Variants in MMP11 observed in about 807,000 individuals in gnomAD.
The protein encoded by MMP11 is matrix metallopeptidase 11, also known as stromelysin-3.
In MMP11, 26 loss-of-function variants were observed where a neutral mutation model predicts 49.5. The ratio of observed to expected loss-of-function variants is 0.52; its 90% CI spans 0.38 to 0.73. The LOEUF is 0.73. MMP11 is among the 30% of genes least tolerant of loss of function. MMP11 has a pLI of 0.00. For missense variants in MMP11, 624 were observed against 671.2 expected (o/e 0.93, Z 0.78); for synonymous variants, 265 against 282.3 (o/e 0.94, Z 0.62).
At chr22:23,775,725 C>G (rs1175332965) in intron 1 of MMP11, among the ~76,000 whole-genome samples, 1 of 152,232 alleles carries the variant, frequency 6.6e-6, no homozygotes, top group Non-Finnish European at 1.5e-5. Flanking sequence ...TCCCTTCTAG[C>G]TGCAACTTCT....
chr22:23,779,017 C>A (rs1366691680), intron 1 of MMP11, among the ~76,000 whole-genome samples, 170 bp from the exon 2 acceptor site: 1 of 152,176 alleles, frequency 6.6e-6, no homozygotes, highest in African/African-American at 2.4e-5. Flanking sequence ...ACCAGAGAGC[C>A]AGCCAGATGC....
At chr22:23,778,950 C>T (rs1206390582) in intron 1 of MMP11, among the ~76,000 whole-genome samples, 1 of 152,134 alleles carries the variant, frequency 6.6e-6, no homozygotes, top group African/African-American at 2.4e-5. Flanking sequence ...GACAGGCAGC[C>T]CAGGGCCCTC....
intron 2 of MMP11, 39 bp downstream of exon 2, chr22:23,779,455 G>A (rs777139544): frequency 2.6e-6 from 4 of 1,541,052 alleles, no homozygotes; most frequent in African/African-American, 1.4e-5. Context: ...TGCCACCTGT[G>A]TGTCCGTGGG....
At position 23,779,340 on chromosome 22, in the gene MMP11, G is replaced by A. The variant is rs1172531316; in HGVS notation, c.262G>A (p.Gly88Arg). The A allele has an allele frequency of 6.2e-7, 1 of 1,613,102 alleles. No homozygotes were observed. The highest frequency in any genetic ancestry group is 8.5e-7 in the Non-Finnish European group (1 of 1,179,954). Reference protein sequence around the residue: ...PRCGVPDPSDGLSARNRQKRF... With the variant: ...PRCGVPDPSDRLSARNRQKRF... ...CTGTGGCGTGCCCGACCCATCTGATGGGCTGAGTGCCCGCAACCGACAGAA... is the reference window on the plus strand; with the variant it reads ...CTGTGGCGTGCCCGACCCATCTGATAGGCTGAGTGCCCGCAACCGACAGAA... Residue 88 changes from glycine to arginine, a missense_variant, in exon 2 of 8, where the codon GGG becomes AGG. Physicochemically the swap from Gly to Arg is moderately radical, Grantham distance 125. Coordinates refer to ENST00000215743, the MANE Select transcript of MMP11 (RefSeq NM_005940.5).
In MMP11 at chr22:23,781,312, C is replaced by T. The variant is rs751397617; in HGVS notation, c.978C>T (p.Pro326=). The change falls in exon 6 of 8, where the codon CCC becomes CCT. Residue 326 remains proline, a synonymous_variant. Coordinates refer to ENST00000215743, the MANE Select transcript of MMP11 (RefSeq NM_005940.5). ...GCCTCCGTGGGGGCCAGCTGCAGCC[C>T]GGCTACCCAGCATTGGCCTCTCGCC... The part of the protein sequence containing the change: ...VWRLRGGQLQ[P]GYPALASRHW... 1.4e-5 allele frequency: 23 copies of T among 1,612,984 alleles called. No homozygotes were observed. Among genetic ancestry groups the T allele is most frequent in the African/African-American group, 6.7e-5 (5 of 74,922 alleles).
intron 1 of MMP11, among the ~76,000 whole-genome samples, chr22:23,774,801 C>T (rs1188325752): frequency 6.6e-6 from 1 of 152,148 alleles, no homozygotes; most frequent in Admixed American, 6.5e-5. Context: ...CAGAAAGGGG[C>T]ACAATGAGCC....
intron 1 of MMP11, among the ~76,000 whole-genome samples, chr22:23,774,807 G>A (rs1475798759): frequency 6.6e-6 from 1 of 152,120 alleles, no homozygotes; most frequent in Non-Finnish European, 1.5e-5. Flanking sequence ...GGGGCACAAT[G>A]AGCCCAGCCT....
intron 7 of MMP11, chr22:23,782,697 TAC>T (rs1466943708): frequency 3.9e-5 from 25 of 633,548 alleles, no homozygotes; most frequent in Non-Finnish European, 6.5e-5. Flanking sequence ...TGCAAGGTCT[TAC>T]CCTGGTTTTT....
chr22:23,773,383 C>T (rs563113896), intron 1 of MMP11, among the ~76,000 whole-genome samples: 1 of 152,302 alleles, frequency 6.6e-6, no homozygotes, highest in South Asian at 2.1e-4. Context: ...TGTGTGGCCG[C>T]AGTTAGTACA....
At chr22:23,778,111 A>G (rs1927480385) in intron 1 of MMP11, among the ~76,000 whole-genome samples, 1 of 152,222 alleles carries the variant, frequency 6.6e-6, no homozygotes, top group Admixed American at 6.5e-5. Context: ...TGAGTCTCTC[A>G]GCAAGCAGCA....
Position 23,781,358 on chromosome 22 carries a change from C to T in MMP11, c.1024C>T (p.Pro342Ser), listed in dbSNP as rs771353326. The change falls in exon 6 of 8, where the codon CCT becomes TCT. Residue 342 changes from proline to serine, a missense_variant. Transcript: ENST00000215743. ...ASRHWQGLPS[P>S]VDAAFEDAQG... ...TCGCCACTGGCAGGGACTGCCCAGC[C>T]CTGTGGACGCTGCCTTCGAGGATGC... is the stretch of plus-strand genomic sequence containing the variant. 1 of 1,613,314 alleles carries T rather than the reference C, an allele frequency of 6.2e-7. No individual in the cohort carries two copies. The highest frequency in any genetic ancestry group is 8.5e-7 in the Non-Finnish European group (1 of 1,179,768).
chr22:23,778,362 G>A (rs969274188), intron 1 of MMP11, among the ~76,000 whole-genome samples: 14 of 152,178 alleles, frequency 9.2e-5, no homozygotes, highest in Admixed American at 5.9e-4. Flanking sequence ...GGTCTGAATC[G>A]CCATCTGTGG....
Position 23,783,531 on chromosome 22 carries a change from A to G in MMP11, c.1454A>G (p.Asn485Ser), listed in dbSNP as rs1489662320. ...TTCTTTGGCTGTGCCGAGCCTGCCA[A>G]CACTTTCCTCTGACCATGGCTTGGA... is the stretch of plus-strand genomic sequence containing the variant. ...PDFFGCAEPA[N>S]TFL Residue 485 changes from asparagine to serine, a missense_variant, in exon 8 of 8, where the codon AAC becomes AGC. Physicochemically the swap from Asn to Ser is conservative, Grantham distance 46. Transcript: ENST00000215743. 5 of 1,614,104 alleles carry G rather than the reference A, an allele frequency of 3.1e-6. No individual in the cohort carries two copies. The highest frequency in any genetic ancestry group is 4.2e-6 in the Non-Finnish European group (5 of 1,179,988).
rs1180105878 is a variant in MMP11 at position 23,780,052 on chromosome 22, G to T, written c.339-307G>T. 3 of 412,452 alleles carry T rather than the reference G, an allele frequency of 7.3e-6. No individual in the cohort carries two copies. Among genetic ancestry groups the T allele is most frequent in the East Asian group, 8.3e-5 (2 of 24,208 alleles). The allele number at this position is 412,452 out of a possible 1,614,324, so 25.5% of individuals were successfully genotyped here. A position where few individuals can be genotyped will look rare whatever the true frequency, so the allele number is the denominator to read the frequency against. On this transcript the variant is annotated intron_variant, in intron 2 of 7. Coordinates refer to ENST00000215743, the MANE Select transcript of MMP11 (RefSeq NM_005940.5). The surrounding 1 kb of genome is among the most constrained non-coding windows in gnomAD (Gnocchi z 4.6). The stretch of plus-strand genomic sequence containing the variant: ...GGTGGGGGCCTGGGAACCAACAGGG[G>T]CTCAAGGAACCAAGGTGTCCCCACA...
At position 23,781,291 on chromosome 22, in the gene MMP11, C is replaced by T; in HGVS notation, c.957C>T (p.Leu319=). The T allele has an allele frequency of 6.2e-7, 1 of 1,612,566 alleles. No individual in the cohort carries two copies. The highest frequency in any genetic ancestry group is 8.5e-7 in the Non-Finnish European group (1 of 1,180,016). ...TCAAAGCGGGCTTTGTGTGGCGCCT[C>T]CGTGGGGGCCAGCTGCAGCCCGGCT... is the stretch of plus-strand genomic sequence containing the variant. ...FFFKAGFVWR[L]RGGQLQPGYP... is the part of the protein sequence containing the mutation. The change falls in exon 6 of 8, where the codon CTC becomes CTT. Residue 319 remains leucine (L), a synonymous_variant. Coordinates refer to ENST00000215743, the MANE Select transcript of MMP11 (RefSeq NM_005940.5).
chr22:23,773,825 G>A (rs865960538), intron 1 of MMP11, among the ~76,000 whole-genome samples: 2 of 152,220 alleles, frequency 1.3e-5, no homozygotes, highest in Admixed American at 6.5e-5. Flanking sequence ...CAGACAGCTC[G>A]GGCAGGGAAG....
intron 1 of MMP11, among the ~76,000 whole-genome samples, chr22:23,775,220 C>T (rs1182125985): frequency 1.3e-5 from 2 of 152,212 alleles, no homozygotes; most frequent in African/African-American, 4.8e-5. Context: ...TGTGTGACCC[C>T]GGGCAAAGTC....
chr22:23,779,438 A>G (rs747409414), intron 2 of MMP11, 22 bp downstream of exon 2: 2 of 1,586,692 alleles, frequency 1.3e-6, no homozygotes, highest in South Asian at 2.3e-5. Flanking sequence ...GGAGCAGGAC[A>G]CTAGGATGCC....
chr22:23,782,697 T>C, intron 7 of MMP11: 1 of 633,666 alleles, frequency 1.6e-6, no homozygotes, highest in South Asian at 2.0e-5. Flanking sequence ...TGCAAGGTCT[T>C]ACCCTGGTTT....
Sources: gnomAD v4.1 joint callset for allele counts (sites outside exome capture counted in the v4.1 genomes callset) on GRCh38, gnomAD v4.1.1 for gene constraint, Gnocchi (gnomAD v3.1) non-coding constraint, MANE v1.5 for transcripts, NCBI Gene and HGNC (gene_info 2026-07-23, HGNC 2026-07-21) for gene names.